The following PRDM2 variants were observed in gnomAD, a reference collection of about 807,000 sequenced individuals.
PRDM2 encodes PR domain zinc finger protein 2.
In PRDM2, 30 loss-of-function variants were observed where a neutral mutation model predicts 130.0. That is an observed-to-expected ratio of 0.23 (90% CI 0.17 to 0.31). PRDM2 has a LOEUF of 0.31. PRDM2 is among the 10% of genes least tolerant of loss of function. The probability of loss-of-function intolerance (pLI) is 1.00; values close to 1 mark genes in which losing one functional copy is unlikely to be tolerated. For missense variants in PRDM2, 2,011 were observed against 2,108.4 expected, an observed-to-expected ratio of 0.95 and a Z score of 0.90; for synonymous variants, 871 against 782.4, an observed-to-expected ratio of 1.11 and a Z score of -1.89.
Position 13,803,220 on chromosome 1 carries a change from G to A in PRDM2, c.5037-13207G>A, listed in dbSNP as rs1030269977. Among the ~76,000 whole-genome samples the A allele has an allele frequency of 3.3e-5, 5 of 152,230 alleles. No homozygotes were observed. Among genetic ancestry groups the A allele is most frequent in the African/African-American group, 9.6e-5 (4 of 41,462 alleles). ...TGAGAGAAACCGTATAGGAAGCCAC[G>A]CTGGGAGGATTTGGTTCTTGAGCAG... On this transcript the variant is annotated intron_variant, in intron 8 of 9. Transcript: ENST00000311066. The surrounding 1 kb of genome is among the most constrained non-coding windows in gnomAD (Gnocchi z 6.2).
At chr1:13,792,253 T>C (rs1644852246) in intron 8 of PRDM2, among the ~76,000 whole-genome samples, 1 of 152,216 alleles carries the variant, frequency 6.6e-6, no homozygotes, top group African/African-American at 2.4e-5. Context: ...ACATTTAAAA[T>C]AGGACTCACT....
At chr1:13,759,305 C>T (rs541125368) in intron 6 of PRDM2, among the ~76,000 whole-genome samples, 1 of 152,152 alleles carries the variant, frequency 6.6e-6, no homozygotes, top group East Asian at 1.9e-4. Context: ...GGTTTGTTCA[C>T]CCATGTTTAG....
chr1:13,821,971 C>G (rs1379548306), intron 9 of PRDM2, among the ~76,000 whole-genome samples: 1 of 152,184 alleles, frequency 6.6e-6, no homozygotes, highest in East Asian at 1.9e-4. Flanking sequence ...GTTATTTCTC[C>G]TCTCTGAGCC....
chr1:13,707,438 A>G (rs1390859551), intron 1 of PRDM2, among the ~76,000 whole-genome samples: 1 of 152,238 alleles, frequency 6.6e-6, no homozygotes, highest in African/African-American at 2.4e-5. Flanking sequence ...GAGCTATCAT[A>G]TGGCATCTTG....
Position 13,803,630 on chromosome 1 carries a change from A to T in PRDM2, c.5037-12797A>T, listed in dbSNP as rs1393465026. On this transcript the variant is annotated intron_variant, in intron 8 of 9. Transcript: ENST00000311066. This position sits in a 1 kb window ranked among gnomAD's most constrained non-coding sequence, Gnocchi z 6.2. Reference sequence around the variant, plus strand: ...TTCCTCGTCTGTAAGGGAAGGGCTGATCCCTGTGGCCTCTGGGGTCCCCTG... The same window carrying T: ...TTCCTCGTCTGTAAGGGAAGGGCTGTTCCCTGTGGCCTCTGGGGTCCCCTG... Among the ~76,000 whole-genome samples, 1 of 152,046 alleles carries T rather than the reference A, an allele frequency of 6.6e-6. No individual in the cohort carries two copies. Among genetic ancestry groups the T allele is most frequent in the Non-Finnish European group, 1.5e-5 (1 of 68,000 alleles).
intron 1 of PRDM2, among the ~76,000 whole-genome samples, chr1:13,712,021 C>A (rs189077710): frequency 6.7e-6 from 1 of 149,780 alleles, no homozygotes; most frequent in Non-Finnish European, 1.5e-5. Flanking sequence ...AAGATGATAG[C>A]CTGGGTAACA....
At chr1:13,811,992 G>A (rs1266733039) in intron 8 of PRDM2, among the ~76,000 whole-genome samples, 1 of 152,248 alleles carries the variant, frequency 6.6e-6, no homozygotes, top group Non-Finnish European at 1.5e-5. Flanking sequence ...AACACAGAGT[G>A]CGTGAGGGGA....
chr1:13,808,840 G>A (rs1645127454), intron 8 of PRDM2, among the ~76,000 whole-genome samples: 1 of 152,208 alleles, frequency 6.6e-6, no homozygotes, highest in African/African-American at 2.4e-5. Context: ...AGATGCATGA[G>A]AAACTGCCCG....
chr1:13,823,066 G>A, intron 9 of PRDM2, 93 bp from the exon 10 acceptor site: 2 of 1,252,878 alleles, frequency 1.6e-6, no homozygotes, highest in Non-Finnish European at 2.3e-6. Flanking sequence ...AAACAGTTTA[G>A]TTACAAAATT....
At chr1:13,712,501 C>T (rs1011476615) in intron 1 of PRDM2, among the ~76,000 whole-genome samples, 1 of 152,192 alleles carries the variant, frequency 6.6e-6, no homozygotes, top group African/African-American at 2.4e-5. Flanking sequence ...CCCTGACTGA[C>T]TTTCTTTCTT....
At chr1:13,800,237 A>C (rs1644986072) in intron 8 of PRDM2, among the ~76,000 whole-genome samples, 1 of 152,252 alleles carries the variant, frequency 6.6e-6, no homozygotes. Flanking sequence ...AATAGATGGC[A>C]TGTCAGATGA....
At chr1:13,760,733 A>T (rs1644077344) in intron 6 of PRDM2, among the ~76,000 whole-genome samples, 1 of 152,222 alleles carries the variant, frequency 6.6e-6, no homozygotes, top group South Asian at 2.1e-4. Context: ...GTGAGCATTA[A>T]GTGAGAACAT....
At chr1:13,748,976 C>T (rs1643705159) in intron 5 of PRDM2, among the ~76,000 whole-genome samples, 1 of 152,214 alleles carries the variant, frequency 6.6e-6, no homozygotes, top group African/African-American at 2.4e-5. Context: ...TTCCACACCG[C>T]ACGCTTTTCA....
At chr1:13,789,227 A>G (rs1318250783) in intron 8 of PRDM2, among the ~76,000 whole-genome samples, 2 of 152,216 alleles carry the variant, frequency 1.3e-5, no homozygotes, top group Non-Finnish European at 2.9e-5. Context: ...TCAAAAGCTA[A>G]TTAGAGCCTT....
chr1:13,747,931 G>T (rs935169577), intron 5 of PRDM2, among the ~76,000 whole-genome samples: 8 of 152,174 alleles, frequency 5.3e-5, no homozygotes, highest in Non-Finnish European at 1.2e-4. Flanking sequence ...TCATGTCTTT[G>T]TAGGAAAAGA....
intron 8 of PRDM2, among the ~76,000 whole-genome samples, chr1:13,810,423 C>T (rs11806423): frequency 0.012 from 1,887 of 152,120 alleles, 37 homozygotes; most frequent in African/African-American, 0.043. Flanking sequence ...AGCCATCGGC[C>T]GTATTCGTTT....
At chr1:13,713,579 G>C (rs1220128524) in intron 1 of PRDM2, among the ~76,000 whole-genome samples, 2 of 152,186 alleles carry the variant, frequency 1.3e-5, no homozygotes, top group Non-Finnish European at 2.9e-5. Flanking sequence ...AAATGGTAAA[G>C]CATTATAGCT....
intron 8 of PRDM2, among the ~76,000 whole-genome samples, chr1:13,802,831 C>T (rs764778053): frequency 3.9e-5 from 6 of 152,152 alleles, no homozygotes; most frequent in African/African-American, 9.7e-5. Flanking sequence ...TTAGAAGTTG[C>T]CTTTTGAAGA....
chr1:13,715,935 T>G (rs1186865402), intron 2 of PRDM2, among the ~76,000 whole-genome samples: 2 of 152,336 alleles, frequency 1.3e-5, no homozygotes, highest in Middle Eastern at 3.4e-3. Context: ...TTGAAGCTTA[T>G]TAAGCTTTCA....
Sources: allele counts gnomAD v4.1 joint callset (sites outside exome capture counted in the v4.1 genomes callset), GRCh38; gene constraint gnomAD v4.1.1; non-coding constraint Gnocchi (gnomAD v3.1); transcripts MANE v1.5; gene names NCBI Gene and HGNC (gene_info 2026-07-23, HGNC 2026-07-21).